The following RNF150 variants were observed in gnomAD, a reference collection of about 807,000 sequenced individuals.
RNF150 encodes ring finger protein 150.
A neutral mutation model predicts 39.3 loss-of-function variants in RNF150; 24 were observed. The observed-to-expected ratio is 0.61, with a 90% CI of 0.44 to 0.86. RNF150 has a LOEUF of 0.86. Among genes scored for constraint, RNF150 ranks in the 40% least tolerant of loss-of-function variants. The pLI is 0.00. For synonymous variants in RNF150, 255 were observed against 227.3 expected, an observed-to-expected ratio of 1.12 and a Z score of -1.10; for missense variants, 502 against 587.8, an observed-to-expected ratio of 0.85 and a Z score of 1.51.
intron 1 of RNF150, among the ~76,000 whole-genome samples, chr4:141,096,190 C>CTTTTTTTTTTTGTT (rs1738770453): frequency 1.5e-5 from 1 of 67,970 alleles, no homozygotes; most frequent in African/African-American, 7.0e-5. Flanking sequence ...TTTTAGCTTT[C>CTTTTTTTTTTTGTT]TTTTTTTTTT....
intron 5 of RNF150, among the ~76,000 whole-genome samples, chr4:140,920,047 T>A (rs1731041284): frequency 6.6e-6 from 1 of 151,936 alleles, no homozygotes; most frequent in Non-Finnish European, 1.5e-5. Context: ...CAAAATGGAT[T>A]AAAGACTTAA....
chr4:141,196,125 A>C (rs1425641958), intron 1 of RNF150, among the ~76,000 whole-genome samples: 1 of 152,178 alleles, frequency 6.6e-6, no homozygotes, highest in African/African-American at 2.4e-5. Flanking sequence ...GTCTGGTTGG[A>C]TGGGGCTCAA....
chr4:140,925,036 A>C (rs1404302259), intron 5 of RNF150, among the ~76,000 whole-genome samples: 1 of 152,196 alleles, frequency 6.6e-6, no homozygotes, highest in Non-Finnish European at 1.5e-5. Context: ...GGGACTATTA[A>C]CATTCTCTTT....
At chr4:141,085,683 T>G (rs182980841) in intron 1 of RNF150, among the ~76,000 whole-genome samples, 20 of 152,332 alleles carry the variant, frequency 1.3e-4, no homozygotes, top group Admixed American at 1.1e-3. Context: ...TTGGTTGTTT[T>G]ATGGCACTTA....
At chr4:141,009,517 T>C in intron 1 of RNF150, among the ~76,000 whole-genome samples, 1 of 152,214 alleles carries the variant, frequency 6.6e-6, no homozygotes, top group Non-Finnish European at 1.5e-5. Context: ...GGGTGGATGA[T>C]ATTTACCTAT....
At chr4:141,186,639 T>C (rs1728018072) in intron 1 of RNF150, among the ~76,000 whole-genome samples, 1 of 151,912 alleles carries the variant, frequency 6.6e-6, no homozygotes, top group South Asian at 2.1e-4. Context: ...TCTCCTGACC[T>C]AGTGATCCAC....
At chr4:141,164,056 A>T (rs937727510) in intron 1 of RNF150, among the ~76,000 whole-genome samples, 1 of 151,798 alleles carries the variant, frequency 6.6e-6, no homozygotes, top group Non-Finnish European at 1.5e-5. Context: ...AAGAACCTTG[A>T]TAAAACGTTA....
chr4:141,199,241 G>A (rs189362797), intron 1 of RNF150, among the ~76,000 whole-genome samples: 28 of 152,216 alleles, frequency 1.8e-4, no homozygotes, highest in African/African-American at 4.3e-4. Flanking sequence ...TGGATATAGC[G>A]CAATTAGAAC....
chr4:140,901,042 C>A (rs527746302), intron 6 of RNF150, among the ~76,000 whole-genome samples: 1 of 152,080 alleles, frequency 6.6e-6, no homozygotes. Flanking sequence ...ACAGTAGGGT[C>A]ATCTTTATTT....
At chr4:141,096,190 C>CTTTTTTTTTTTTTT (rs780868429) in intron 1 of RNF150, among the ~76,000 whole-genome samples, 1 of 67,970 alleles carries the variant, frequency 1.5e-5, no homozygotes, top group African/African-American at 7.0e-5. Flanking sequence ...TTTTAGCTTT[C>CTTTTTTTTTTTTTT]TTTTTTTTTT....
At chr4:140,980,407 G>A (rs1733817059) in intron 1 of RNF150, among the ~76,000 whole-genome samples, 1 of 151,990 alleles carries the variant, frequency 6.6e-6, no homozygotes, top group South Asian at 2.1e-4. Flanking sequence ...AACAATCACA[G>A]TATCATGGAT....
At chr4:140,948,640 C>T (rs2111374736) in intron 3 of RNF150, among the ~76,000 whole-genome samples, 1 of 152,292 alleles carries the variant, frequency 6.6e-6, no homozygotes, top group Middle Eastern at 3.4e-3. Flanking sequence ...GGTCTTTCTA[C>T]ATTGCCCAGG....
intron 5 of RNF150, among the ~76,000 whole-genome samples, chr4:140,925,109 G>C (rs1051744456): frequency 6.6e-6 from 1 of 152,226 alleles, no homozygotes; most frequent in African/African-American, 2.4e-5. Context: ...GAGGGGCTGA[G>C]GGGGAGCTGG....
intron 1 of RNF150, among the ~76,000 whole-genome samples, chr4:141,193,176 G>T (rs938091917): frequency 6.6e-6 from 1 of 152,222 alleles, no homozygotes; most frequent in Non-Finnish European, 1.5e-5. Flanking sequence ...AAGGACAAGG[G>T]ATTTTGTCAA....
chr4:141,210,861 A>G (rs2111230515), intron 1 of RNF150, among the ~76,000 whole-genome samples: 1 of 152,250 alleles, frequency 6.6e-6, no homozygotes, highest in South Asian at 2.1e-4. Flanking sequence ...ATGTAACTCA[A>G]TTCTGGTCAA....
At chr4:141,036,117 ACTG>A (rs1736133158) in intron 1 of RNF150, among the ~76,000 whole-genome samples, 1 of 152,196 alleles carries the variant, frequency 6.6e-6, no homozygotes, top group Non-Finnish European at 1.5e-5. Flanking sequence ...ACATGTGGAG[ACTG>A]CTAAAGATAT....
Position 141,053,655 on chromosome 4 carries a change from C to A in RNF150, c.484+78670G>T. ...CTGAGTGAAGCGTGCATTTTAGAGG[C>A]TAAAGCATACCTGAGGAAAGGGAAT... On this transcript the variant is annotated intron_variant, in intron 1 of 6. Coordinates refer to ENST00000515673, the MANE Select transcript of RNF150 (RefSeq NM_020724.2). 4 of 1,334,916 alleles carry A rather than the reference C, an allele frequency of 3.0e-6. No homozygotes were observed. The South Asian group carries it at 6.0e-5, about 20-fold the overall frequency. 82.7% of individuals were successfully genotyped at this position (1,334,916 alleles called of 1,614,324 possible).
At chr4:140,918,497 T>A (rs1422306913) in intron 5 of RNF150, among the ~76,000 whole-genome samples, 1 of 152,128 alleles carries the variant, frequency 6.6e-6, no homozygotes, top group Non-Finnish European at 1.5e-5. Flanking sequence ...AGAAGTTGAA[T>A]CTCTGAATAG....
At chr4:140,945,763 T>A (rs1218183159) in intron 4 of RNF150, among the ~76,000 whole-genome samples, 1 of 151,954 alleles carries the variant, frequency 6.6e-6, no homozygotes, top group African/African-American at 2.4e-5. Context: ...TTAATTTACA[T>A]TTGTAAATGT....
Sources: gnomAD v4.1 joint callset for allele counts (sites outside exome capture counted in the v4.1 genomes callset) on GRCh38, gnomAD v4.1.1 for gene constraint, MANE v1.5 for transcripts, NCBI Gene and HGNC (gene_info 2026-07-23, HGNC 2026-07-21) for gene names.